The following CACNA2D3 variants were observed in gnomAD, a reference collection of about 807,000 sequenced individuals.
CACNA2D3 encodes the protein voltage-dependent calcium channel subunit alpha-2/delta-3.
CACNA2D3 carries 60 observed loss-of-function variants against 160.6 expected under a neutral mutation model. The observed-to-expected ratio is 0.37, with a 90% CI of 0.30 to 0.46. CACNA2D3 has a LOEUF of 0.46. Ranked by LOEUF, CACNA2D3 falls within the 20% of genes least tolerant of loss-of-function variation. The probability of loss-of-function intolerance (pLI) is 1.00; values close to 1 mark genes in which losing one functional copy is unlikely to be tolerated. For synonymous variants in CACNA2D3, 558 were observed against 492.9 expected (o/e 1.13, Z -1.75); for missense variants, 1,205 against 1,365.0 (o/e 0.88, Z 1.85).
chr3:54,401,648 T>G (rs1389996387), intron 4 of CACNA2D3, among the ~76,000 whole-genome samples: 1 of 152,110 alleles, frequency 6.6e-6, no homozygotes, highest in Admixed American at 6.5e-5. Context: ...ACTATACCCA[T>G]TAAAGGTGTC....
At position 54,348,680 on chromosome 3, in the gene CACNA2D3, A is replaced by T. The variant is rs140382933; in HGVS notation, c.321+28122A>T. 3.9e-3 allele frequency among the ~76,000 whole-genome samples: 600 copies of T among 152,302 alleles called. 7 individuals are homozygous for T. The highest frequency in any genetic ancestry group is 0.014 in the African/African-American group (573 of 41,564). ...TATTTGCTCATCTTTCTTTTCTGTC[A>T]AGAAGAGAGATGCTGTGTCAGAAAC... On this transcript the variant is annotated intron_variant, in intron 3 of 37. Transcript: ENST00000474759.
At chr3:54,704,436 TTTC>T (rs1254532791) in intron 11 of CACNA2D3, among the ~76,000 whole-genome samples, 1 of 146,684 alleles carries the variant, frequency 6.8e-6, no homozygotes, top group African/African-American at 2.5e-5. Flanking sequence ...ATAGTTTCCA[TTTC>T]TTTATTTTTC....
At chr3:55,073,970 T>C in intron 37 of CACNA2D3, 111 bp downstream of exon 37, 1 of 852,712 alleles carries the variant, frequency 1.2e-6, no homozygotes, top group Non-Finnish European at 1.8e-6. Flanking sequence ...AATAATCCCT[T>C]TCATTCAGTA....
At chr3:54,603,849 G>A (rs183780200) in intron 9 of CACNA2D3, among the ~76,000 whole-genome samples, 18 of 151,988 alleles carry the variant, frequency 1.2e-4, no homozygotes, top group Admixed American at 5.2e-4. Context: ...TATCTGCAAG[G>A]CCATCATTTT....
intron 15 of CACNA2D3, 71 bp downstream of exon 15, chr3:54,837,301 C>T: frequency 2.5e-6 from 3 of 1,205,792 alleles, no homozygotes; most frequent in South Asian, 2.4e-5. Context: ...CTGACTCCAG[C>T]TCTGGTGACT....
chr3:54,342,962 C>T (rs565711760), intron 3 of CACNA2D3, among the ~76,000 whole-genome samples: 13 of 152,306 alleles, frequency 8.5e-5, no homozygotes, highest in African/African-American at 3.1e-4. Flanking sequence ...ACAGAGTTTG[C>T]ACGTTTGTGC....
chr3:54,228,680 C>G (rs1186728308), intron 2 of CACNA2D3, among the ~76,000 whole-genome samples: 1 of 152,208 alleles, frequency 6.6e-6, no homozygotes, highest in African/African-American at 2.4e-5. Context: ...CATTATTGCT[C>G]TCAGCAGGCC....
chr3:54,808,734 A>G (rs1703202066), intron 13 of CACNA2D3, among the ~76,000 whole-genome samples: 1 of 152,186 alleles, frequency 6.6e-6, no homozygotes, highest in Admixed American at 6.5e-5. Flanking sequence ...TAGTAGAGAT[A>G]GGAGTCACAC....
chr3:55,024,192 G>A (rs1344971099), intron 35 of CACNA2D3, among the ~76,000 whole-genome samples: 1 of 148,238 alleles, frequency 6.7e-6, no homozygotes, highest in East Asian at 2.0e-4. Flanking sequence ...TTTGACCTTG[G>A]ACAAAAACCT....
chr3:54,401,462 C>A (rs1256738401), intron 4 of CACNA2D3, among the ~76,000 whole-genome samples: 1 of 152,122 alleles, frequency 6.6e-6, no homozygotes, highest in East Asian at 1.9e-4. Flanking sequence ...ATTAAACTAT[C>A]AAAAGTCAAT....
chr3:54,407,863 C>T (rs977715220), intron 4 of CACNA2D3, among the ~76,000 whole-genome samples: 8 of 152,128 alleles, frequency 5.3e-5, no homozygotes, highest in African/African-American at 1.7e-4. Context: ...TTTACATGCT[C>T]AGAGATCTGC....
At chr3:54,470,484 C>G (rs1403062642) in intron 4 of CACNA2D3, among the ~76,000 whole-genome samples, 1 of 152,076 alleles carries the variant, frequency 6.6e-6, no homozygotes, top group Non-Finnish European at 1.5e-5. Context: ...AAAAACATAC[C>G]CAGTTGTAAA....
At chr3:54,394,802 G>T (rs1311199548) in intron 4 of CACNA2D3, among the ~76,000 whole-genome samples, 1 of 58,012 alleles carries the variant, frequency 1.7e-5, no homozygotes, top group Non-Finnish European at 3.1e-5. Flanking sequence ...ATAGCAGCAA[G>T]ATTTATAGTC....
At chr3:54,960,291 A>T (rs1418786017) in intron 27 of CACNA2D3, among the ~76,000 whole-genome samples, 2 of 149,552 alleles carry the variant, frequency 1.3e-5, no homozygotes, top group Non-Finnish European at 1.5e-5. Flanking sequence ...CACCACAGAC[A>T]TATATCATGG....
intron 35 of CACNA2D3, among the ~76,000 whole-genome samples, chr3:55,051,640 G>T (rs1257924884): frequency 6.6e-6 from 1 of 152,116 alleles, no homozygotes; most frequent in Non-Finnish European, 1.5e-5. Context: ...CACCCAGTTC[G>T]AGCTTCCGGG....
intron 27 of CACNA2D3, among the ~76,000 whole-genome samples, chr3:54,959,542 T>G (rs578208417): frequency 1.3e-5 from 2 of 152,296 alleles, no homozygotes; most frequent in Non-Finnish European, 2.9e-5. Flanking sequence ...TGGAAATGTT[T>G]AGAAACTTGA....
At chr3:54,490,833 A>G (rs1205599060) in intron 4 of CACNA2D3, among the ~76,000 whole-genome samples, 1 of 152,172 alleles carries the variant, frequency 6.6e-6, no homozygotes, top group African/African-American at 2.4e-5. Flanking sequence ...GAAAGGCTTC[A>G]GGGAGAGTGG....
intron 2 of CACNA2D3, among the ~76,000 whole-genome samples, chr3:54,204,590 T>A (rs1321175221): frequency 7.7e-5 from 11 of 143,036 alleles, no homozygotes; most frequent in Non-Finnish European, 1.1e-4. Flanking sequence ...AGGTCAGGAG[T>A]TCAAGACCAG....
chr3:54,584,119 G>A (rs1205150667), intron 9 of CACNA2D3, among the ~76,000 whole-genome samples: 2 of 151,934 alleles, frequency 1.3e-5, no homozygotes, highest in African/African-American at 4.8e-5. Context: ...GAGAAAAGAT[G>A]AAATCGGATC....
Sources: allele counts gnomAD v4.1 joint callset (sites outside exome capture counted in the v4.1 genomes callset), GRCh38; gene constraint gnomAD v4.1.1; transcripts MANE v1.5; gene names NCBI Gene and HGNC (gene_info 2026-07-23, HGNC 2026-07-21).